The following TYW1B variants were observed in gnomAD, a reference collection of about 807,000 sequenced individuals.
TYW1B encodes the protein S-adenosyl-L-methionine-dependent tRNA 4-demethylwyosine synthase TYW1B.
Under a neutral mutation model 86.9 loss-of-function variants are expected in TYW1B, and 73 were observed. The ratio of observed to expected loss-of-function variants is 0.84; its 90% CI spans 0.70 to 1.02. The LOEUF (loss-of-function observed/expected upper bound fraction) is 1.02. TYW1B is among the 50% of genes least tolerant of loss of function. The pLI is 0.00. For synonymous variants in TYW1B, 248 were observed against 292.8 expected, an observed-to-expected ratio of 0.85 and a Z score of 1.56; for missense variants, 637 against 827.4, an observed-to-expected ratio of 0.77 and a Z score of 2.82.
intron 13 of TYW1B, among the ~76,000 whole-genome samples, chr7:72,609,194 A>G (rs1482813123): frequency 6.6e-6 from 1 of 152,166 alleles, no homozygotes; most frequent in Non-Finnish European, 1.5e-5. Flanking sequence ...TGGTATAACA[A>G]TAGGAAAGTA....
chr7:72,586,904 G>A (rs551491492), intron 13 of TYW1B, among the ~76,000 whole-genome samples: 1 of 152,048 alleles, frequency 6.6e-6, no homozygotes, highest in African/African-American at 2.4e-5. Context: ...TCATCTATCT[G>A]CACAATCAGC....
intron 7 of TYW1B, among the ~76,000 whole-genome samples, chr7:72,756,965 C>A (rs1003857949): frequency 1.3e-5 from 2 of 151,980 alleles, no homozygotes; most frequent in Non-Finnish European, 2.9e-5. Flanking sequence ...TGGCAATAAT[C>A]AAAAAAATGA....
intron 6 of TYW1B, among the ~76,000 whole-genome samples, chr7:72,782,921 G>A (rs1458351072): frequency 6.6e-6 from 1 of 152,066 alleles, no homozygotes; most frequent in African/African-American, 2.4e-5. Context: ...ATTCTCCAGA[G>A]GTCATTTTTC....
chr7:72,674,794 G>A (rs1385761019), intron 11 of TYW1B, among the ~76,000 whole-genome samples: 7 of 123,394 alleles, frequency 5.7e-5, no homozygotes, highest in Admixed American at 4.7e-4. Flanking sequence ...ATGGGGTCTT[G>A]CCATGTTGCC....
intron 5 of TYW1B, among the ~76,000 whole-genome samples, chr7:72,802,846 C>T (rs1302715586): frequency 6.6e-6 from 1 of 152,082 alleles, no homozygotes; most frequent in Non-Finnish European, 1.5e-5. Context: ...GTCTCGAACC[C>T]CTGACCTCAG....
chr7:72,660,410 C>T (rs1392720796), intron 11 of TYW1B, among the ~76,000 whole-genome samples: 1 of 151,996 alleles, frequency 6.6e-6, no homozygotes, highest in African/African-American at 2.4e-5. Flanking sequence ...AAAAAAGGAG[C>T]AGCAGCATGG....
intron 8 of TYW1B, among the ~76,000 whole-genome samples, chr7:72,743,539 T>G (rs573014019): frequency 2.0e-5 from 3 of 151,848 alleles, no homozygotes; most frequent in Non-Finnish European, 4.4e-5. Flanking sequence ...CAGTTGTAAG[T>G]GAAGGAAAGA....
intron 7 of TYW1B, among the ~76,000 whole-genome samples, chr7:72,764,441 C>T (rs1787738791): frequency 6.6e-6 from 1 of 152,150 alleles, no homozygotes; most frequent in South Asian, 2.1e-4. Context: ...CGCCACCACG[C>T]CCAGCTAATT....
chr7:72,668,434 G>A (rs184741822), intron 11 of TYW1B, among the ~76,000 whole-genome samples: 2 of 152,210 alleles, frequency 1.3e-5, no homozygotes, highest in Non-Finnish European at 2.9e-5. Flanking sequence ...GGCACTATCA[G>A]CTTGTGGACA....
intron 7 of TYW1B, among the ~76,000 whole-genome samples, chr7:72,767,409 A>T (rs1554468707): frequency 6.6e-6 from 1 of 151,994 alleles, no homozygotes; most frequent in Non-Finnish European, 1.5e-5. Flanking sequence ...GATCGAGACC[A>T]TCCTGGCTAA....
intron 11 of TYW1B, among the ~76,000 whole-genome samples, chr7:72,642,580 C>T (rs1239120343): frequency 1.3e-5 from 2 of 152,180 alleles, no homozygotes; most frequent in Non-Finnish European, 2.9e-5. Context: ...AGTACATATC[C>T]ATCCAAGAGA....
intron 6 of TYW1B, among the ~76,000 whole-genome samples, chr7:72,784,741 A>G (rs1241571285): frequency 6.6e-6 from 1 of 152,132 alleles, no homozygotes; most frequent in African/African-American, 2.4e-5. Context: ...CAGGTGATCC[A>G]CCAGCCTCAG....
chr7:72,642,159 C>T (rs1297929829), intron 11 of TYW1B, among the ~76,000 whole-genome samples: 1 of 152,160 alleles, frequency 6.6e-6, no homozygotes, highest in African/African-American at 2.4e-5. Flanking sequence ...GGTACTGAGA[C>T]AACTAGTTAT....
chr7:72,599,951 A>G (rs192189576), intron 13 of TYW1B, among the ~76,000 whole-genome samples: 56 of 152,276 alleles, frequency 3.7e-4, no homozygotes, highest in African/African-American at 1.3e-3. Flanking sequence ...GTTTTTCCCA[A>G]CTGTGTTTGT....
intron 6 of TYW1B, among the ~76,000 whole-genome samples, chr7:72,794,435 A>G (rs1788272216): frequency 6.6e-6 from 1 of 152,068 alleles, no homozygotes; most frequent in African/African-American, 2.4e-5. Context: ...ACGCACCTGT[A>G]ATCGCAGCTA....
intron 5 of TYW1B, 114 bp downstream of exon 5, chr7:72,806,952 C>G: frequency 7.1e-7 from 1 of 1,416,068 alleles, no homozygotes; most frequent in Non-Finnish European, 9.5e-7. Flanking sequence ...TGCACTCAGC[C>G]AGATCTTCCT....
At chr7:72,731,331 G>A (rs1170480134) in intron 8 of TYW1B, among the ~76,000 whole-genome samples, 1 of 111,252 alleles carries the variant, frequency 9.0e-6, no homozygotes, top group Non-Finnish European at 1.7e-5. Flanking sequence ...TGGTAGGGCA[G>A]ATATACAAAT....
intron 9 of TYW1B, among the ~76,000 whole-genome samples, chr7:72,721,989 G>A (rs1433199705): frequency 6.6e-6 from 1 of 152,108 alleles, no homozygotes; most frequent in African/African-American, 2.4e-5. Context: ...TCTAAAGTTT[G>A]GGCCGATCAG....
chr7:72,734,548 A>C (rs541368493), intron 8 of TYW1B, among the ~76,000 whole-genome samples: 1 of 152,316 alleles, frequency 6.6e-6, no homozygotes, highest in Admixed American at 6.5e-5. Context: ...TGGTCTGGGC[A>C]ATGATTTTAT....
Sources: allele counts gnomAD v4.1 joint callset (sites outside exome capture counted in the v4.1 genomes callset), GRCh38; gene constraint gnomAD v4.1.1; transcripts MANE v1.5; gene names NCBI Gene and HGNC (gene_info 2026-07-23, HGNC 2026-07-21).